Variants in EDA observed in about 807,000 individuals in gnomAD.
EDA encodes the protein ectodysplasin-A.
EDA carries 2 observed loss-of-function variants against 23.6 expected under a neutral mutation model. The ratio of observed to expected loss-of-function variants is 0.08; its 90% CI spans 0.03 to 0.27. The LOEUF (loss-of-function observed/expected upper bound fraction) is 0.27, where lower values mean the gene tolerates loss of function less well. EDA is among the 10% of genes least tolerant of loss of function. The pLI is 1.00. For missense variants in EDA, 229 were observed against 324.2 expected, an observed-to-expected ratio of 0.71 and a Z score of 2.26; for synonymous variants, 131 against 132.0, an observed-to-expected ratio of 0.99 and a Z score of 0.05.
chrX:69,749,806 G>T (rs368265263), intron 1 of EDA: 1 of 109,666 alleles, frequency 9.1e-6, no homozygotes, highest in Non-Finnish European at 1.9e-5. Context: ...ATAACTTTCC[G>T]TTGACATAGG....
chrX:70,006,346 A>C (rs1480669164), intron 2 of EDA, among the ~76,000 whole-genome samples: 1 of 112,301 alleles, frequency 8.9e-6, no homozygotes, highest in Non-Finnish European at 1.9e-5. Context: ...CACCAGCAAT[A>C]AGTGAGAGTT....
At chrX:69,804,272 A>G (rs1006602964) in intron 1 of EDA, among the ~76,000 whole-genome samples, 1 of 111,068 alleles carries the variant, frequency 9.0e-6, no homozygotes, top group Non-Finnish European at 1.9e-5. Flanking sequence ...CTCAATTGCC[A>G]CTATGCTAAT....
In EDA at chrX:70,027,822, C is replaced by CAA. The variant is rs11426919; in HGVS notation, c.527-26_527-25dup. On this transcript the variant is annotated intron_variant, in intron 3 of 7. Coordinates refer to ENST00000374552, the MANE Select transcript of EDA (RefSeq NM_001399.5). Reference sequence around the variant, plus strand: ...TGGGCAACAGAGCAGGACTCCGTCTCAAAAAAAAAAGTAACACTGAATCCT... The same window carrying CAA: ...TGGGCAACAGAGCAGGACTCCGTCTCAAAAAAAAAAAAGTAACACTGAATCCT... 1.0e-4 allele frequency: 61 copies of CAA among 581,616 alleles called. No individual in the cohort carries two copies. The African/African-American group carries it at 1.2e-3, about 11-fold the overall frequency. 47.9% of individuals were successfully genotyped at this position (581,616 alleles called of 1,213,427 possible). A position where few individuals can be genotyped will look rare whatever the true frequency, so the allele number is the denominator to read the frequency against.
intron 1 of EDA, among the ~76,000 whole-genome samples, chrX:69,709,460 T>C (rs1403718215): frequency 8.9e-6 from 1 of 111,740 alleles, no homozygotes; most frequent in Non-Finnish European, 1.9e-5. Flanking sequence ...GGCACATCAG[T>C]TTTGACTCTA....
intron 1 of EDA, among the ~76,000 whole-genome samples, chrX:69,813,816 T>TAAA (rs11462972): frequency 9.8e-6 from 1 of 102,111 alleles, no homozygotes; most frequent in African/African-American, 3.6e-5. Flanking sequence ...ATGCTGCATT[T>TAAA]AAAAAAAAAA....
At chrX:70,009,728 A>G (rs964069100) in intron 2 of EDA, among the ~76,000 whole-genome samples, 8 of 111,445 alleles carry the variant, frequency 7.2e-5, no homozygotes, top group Non-Finnish European at 1.3e-4. Context: ...CTGGGATTAC[A>G]GGCATGCACC....
chrX:70,012,427 C>T (rs774081226), intron 2 of EDA, among the ~76,000 whole-genome samples: 3 of 111,783 alleles, frequency 2.7e-5, no homozygotes, highest in Admixed American at 9.5e-5. Flanking sequence ...CTACAGTAGC[C>T]TCAAGTGAAA....
intron 1 of EDA, chrX:69,617,372 C>T (rs1932011626): frequency 7.7e-6 from 1 of 129,049 alleles, no homozygotes; most frequent in Non-Finnish European, 1.6e-5. Context: ...TAAAACTCAC[C>T]CTTTGCATGC....
chrX:69,634,188 TC>T (rs1932707789), intron 1 of EDA, among the ~76,000 whole-genome samples: 1 of 112,776 alleles, frequency 8.9e-6, no homozygotes, highest in Non-Finnish European at 1.9e-5. Context: ...TTTGTCCATT[TC>T]TAAATTGCAT....
intron 2 of EDA, among the ~76,000 whole-genome samples, chrX:70,010,634 A>G (rs897409667): frequency 4.5e-5 from 5 of 112,105 alleles, no homozygotes; most frequent in African/African-American, 1.6e-4. Context: ...CTGGATTAAT[A>G]TCTATCATTG....
chrX:69,933,003 T>G (rs2018621396), intron 1 of EDA, among the ~76,000 whole-genome samples: 1 of 110,544 alleles, frequency 9.0e-6, no homozygotes, highest in East Asian at 2.8e-4. Context: ...AGACAGTATC[T>G]CTTAGTTCTT....
Position 70,033,439 on chromosome X carries a change from A to G in EDA, c.835A>G (p.Met279Val). Residue 279 changes from methionine to valine, a missense_variant, in exon 7 of 8, where the codon ATG becomes GTG. Physicochemically the swap from Met to Val is conservative, Grantham distance 21. Transcript: ENST00000374552. ...GVLNDWSRIT[M>V]NPKVFKLHPR... ...GCTCAATGACTGGTCTCGCATCACT[A>G]TGAACCCCAAGGTGTTTAAGCTACA... is the stretch of plus-strand genomic sequence containing the variant. The G allele has an allele frequency of 8.3e-7, 1 of 1,212,003 alleles. No individual in the cohort carries two copies. The highest frequency in any genetic ancestry group is 1.1e-6 in the Non-Finnish European group (1 of 895,504).
chrX:69,989,937 T>TTTC (rs1491095799), intron 2 of EDA, among the ~76,000 whole-genome samples: 12 of 41,522 alleles, frequency 2.9e-4, no homozygotes, highest in Admixed American at 1.0e-3. Flanking sequence ...TTAGGCTTTC[T>TTTC]TTTTTTTTTT....
intron 1 of EDA, among the ~76,000 whole-genome samples, chrX:69,723,502 A>C (rs2012670418): frequency 8.9e-6 from 1 of 112,213 alleles, no homozygotes; most frequent in Admixed American, 9.4e-5. Flanking sequence ...TATTTTGTAT[A>C]GTGCCCAACC....
intron 1 of EDA, among the ~76,000 whole-genome samples, chrX:69,874,427 T>C (rs907374586): frequency 7.1e-5 from 8 of 112,079 alleles, no homozygotes; most frequent in Non-Finnish European, 1.5e-4. Flanking sequence ...GAAAAAGCAT[T>C]TGACAAAATC....
chrX:69,791,062 A>T (rs888842568), intron 1 of EDA, among the ~76,000 whole-genome samples: 1 of 111,754 alleles, frequency 8.9e-6, no homozygotes, highest in Non-Finnish European at 1.9e-5. Flanking sequence ...TTTTCTTATG[A>T]AAAATTCAAA....
intron 1 of EDA, among the ~76,000 whole-genome samples, chrX:69,662,774 C>CA (rs1214367983): frequency 8.9e-6 from 1 of 111,770 alleles, no homozygotes; most frequent in Non-Finnish European, 1.9e-5. Flanking sequence ...GTGATATGGA[C>CA]AAAAAAAGTT....
intron 1 of EDA, among the ~76,000 whole-genome samples, chrX:69,898,176 C>T (rs1873472478): frequency 8.9e-6 from 1 of 111,933 alleles, no homozygotes; most frequent in African/African-American, 3.2e-5. Flanking sequence ...GATTCCTCCC[C>T]CTACCCAAGT....
chrX:70,009,138 A>G lies in EDA; in HGVS notation c.503-14080A>G, dbSNP rs2019840589. Among the ~76,000 whole-genome samples the G allele has an allele frequency of 2.7e-5, 3 of 111,284 alleles. No individual in the cohort carries two copies. In the South Asian group the frequency reaches 1.1e-3, roughly 42 times the overall value. ...CAATAGTGATGGCAGCCCCTCTGTC[A>G]TTTCTGATATTAGTAAAATTTGTGT... On this transcript the variant is annotated intron_variant, in intron 2 of 7. Transcript: ENST00000374552.
Sources: gnomAD v4.1 joint callset for allele counts (sites outside exome capture counted in the v4.1 genomes callset) on GRCh38, gnomAD v4.1.1 for gene constraint, MANE v1.5 for transcripts, NCBI Gene and HGNC (gene_info 2026-07-23, HGNC 2026-07-21) for gene names.